The following PCDHGA7 variants were observed in gnomAD, a reference collection of about 807,000 sequenced individuals.
PCDHGA7 encodes protocadherin gamma-A7.
Under a neutral mutation model 58.3 loss-of-function variants are expected in PCDHGA7, and 44 were observed. That is an observed-to-expected ratio of 0.75 (90% CI 0.59 to 0.97). The LOEUF (loss-of-function observed/expected upper bound fraction) is 0.97. Ranked by LOEUF, PCDHGA7 falls within the 50% of genes least tolerant of loss-of-function variation. The pLI is 0.00. For missense variants in PCDHGA7, 1,266 were observed against 1,188.7 expected (o/e 1.06, Z -0.96); for synonymous variants, 516 against 504.2 (o/e 1.02, Z -0.31).
At chr5:141,439,780 T>G (rs1023743000) in intron 1 of PCDHGA7, 1 of 152,228 alleles carries the variant, frequency 6.6e-6, no homozygotes, top group African/African-American at 2.4e-5. Context: ...TGGCTGGAGA[T>G]TCTATAATCC....
At position 141,485,683 on chromosome 5, in the gene PCDHGA7, T is replaced by C. The variant is rs2099617681; in HGVS notation, c.2425-9124T>C. ...TGGGGAGCAATTCGATTAGCAGCTA[T>C]AGGCTGAGCTCCAATGAACACTTTG... On this transcript the variant is annotated intron_variant, in intron 1 of 3. Coordinates refer to ENST00000518325, the MANE Select transcript of PCDHGA7 (RefSeq NM_018920.4). This position sits in a 1 kb window ranked among gnomAD's most constrained non-coding sequence, Gnocchi z 5.7. 3.7e-6 allele frequency: 6 copies of C among 1,614,042 alleles called. No individual in the cohort carries two copies. The South Asian group carries it at 4.4e-5, about 12-fold the overall frequency.
chr5:141,493,983 A>G lies in PCDHGA7; in HGVS notation c.2425-824A>G, dbSNP rs2099751203. Among the ~76,000 whole-genome samples the G allele has an allele frequency of 6.6e-6, 1 of 152,194 alleles. No homozygotes were observed. The highest frequency in any genetic ancestry group is 6.5e-5 in the Admixed American group (1 of 15,278). ...TGGCTGGCCAGAGCCCCACACCTTC[A>G]GCTAGGTGGGAGATGGCTACACATC... On this transcript the variant is annotated intron_variant, in intron 1 of 3. Coordinates refer to ENST00000518325, the MANE Select transcript of PCDHGA7 (RefSeq NM_018920.4). The surrounding 1 kb of genome is among the most constrained non-coding windows in gnomAD (Gnocchi z 4.3).
chr5:141,501,300 C>T (rs867143352), intron 2 of PCDHGA7, among the ~76,000 whole-genome samples: 2,626 of 150,646 alleles, frequency 0.017, 74 homozygotes, highest in African/African-American at 0.06. Context: ...TACACACACA[C>T]ACACACACAC....
intron 1 of PCDHGA7, chr5:141,422,014 C>T (rs1472942387): frequency 1.9e-6 from 3 of 1,610,040 alleles, no homozygotes; most frequent in African/African-American, 1.3e-5. Flanking sequence ...AACTCGGGTG[C>T]TGATGGTTAA....
intron 1 of PCDHGA7, among the ~76,000 whole-genome samples, chr5:141,429,369 G>A (rs1368624471): frequency 6.7e-6 from 1 of 148,994 alleles, no homozygotes; most frequent in Non-Finnish European, 1.5e-5. Context: ...AGAAAATGGA[G>A]AAAATGTGTT....
At chr5:141,398,878 C>T in intron 1 of PCDHGA7, 2 of 1,613,968 alleles carry the variant, frequency 1.2e-6, no homozygotes, top group Non-Finnish European at 1.7e-6. Context: ...CAGAGTCAGC[C>T]TTCGGGAAAA....
Position 141,476,217 on chromosome 5 carries a change from A to G in PCDHGA7, c.2425-18590A>G. On this transcript the variant is annotated intron_variant, in intron 1 of 3. Coordinates refer to ENST00000518325, the MANE Select transcript of PCDHGA7 (RefSeq NM_018920.4). This position sits in a 1 kb window ranked among gnomAD's most constrained non-coding sequence, Gnocchi z 7.6. ...TTGAACAAGGCTTCCACGGTCATTC[A>G]CTATGAGATCCCGGAGGAAAGAGAG... The G allele has an allele frequency of 6.2e-7, 1 of 1,613,836 alleles. No homozygotes were observed. The highest frequency in any genetic ancestry group is 2.2e-5 in the East Asian group (1 of 44,818).
chr5:141,396,943 G>A (rs1388753275), intron 1 of PCDHGA7, among the ~76,000 whole-genome samples: 6 of 152,178 alleles, frequency 3.9e-5, no homozygotes, highest in African/African-American at 1.2e-4. Flanking sequence ...TGCCCTGGTA[G>A]GAAAGAAAAT....
chr5:141,394,048 G>A (rs1285768639), intron 1 of PCDHGA7: 5 of 1,613,504 alleles, frequency 3.1e-6, no homozygotes, highest in South Asian at 1.1e-5. Context: ...TATTTGGACC[G>A]AGAAAATGTC....
rs2099710738 is a variant in PCDHGA7, at chr5:141,491,331, T to C, written c.2425-3476T>C. 6.2e-7 allele frequency: 1 copy of C among 1,614,170 alleles called. No homozygotes were observed. The highest frequency in any genetic ancestry group is 8.5e-7 in the Non-Finnish European group (1 of 1,180,018). On this transcript the variant is annotated intron_variant, in intron 1 of 3. Coordinates refer to ENST00000518325, the MANE Select transcript of PCDHGA7 (RefSeq NM_018920.4). The surrounding 1 kb of genome is among the most constrained non-coding windows in gnomAD (Gnocchi z 6.9). ...ACCTTACCCTTTACCTCATTGTGGC[T>C]CTAGCGACCGTCAGTCTCTTATCCC...
At chr5:141,403,509 A>G in intron 1 of PCDHGA7, 1 of 1,614,002 alleles carries the variant, frequency 6.2e-7, no homozygotes, top group Non-Finnish European at 8.5e-7. Context: ...CAGACTGGAG[A>G]CAATGGAGCC....
intron 1 of PCDHGA7, chr5:141,423,389 A>G (rs568843632): frequency 2.5e-6 from 4 of 1,614,160 alleles, no homozygotes; most frequent in Admixed American, 1.7e-5. Flanking sequence ...TGGCGCTGGC[A>G]TAAGTCACGC....
intron 1 of PCDHGA7, chr5:141,421,032 C>A: frequency 1.9e-6 from 1 of 533,288 alleles, no homozygotes; most frequent in Non-Finnish European, 3.3e-6. Flanking sequence ...GCCATTGAGT[C>A]CCTCCCTCCC....
At chr5:141,426,427 G>A in intron 1 of PCDHGA7, 2 of 293,710 alleles carry the variant, frequency 6.8e-6, no homozygotes, top group Non-Finnish European at 1.3e-5. Context: ...CTCCGTGGTG[G>A]GGAACCTTGC....
At chr5:141,448,662 C>T (rs1242351797) in intron 1 of PCDHGA7, among the ~76,000 whole-genome samples, 1 of 151,980 alleles carries the variant, frequency 6.6e-6, no homozygotes, top group Non-Finnish European at 1.5e-5. Flanking sequence ...CCATATTGGC[C>T]GGGCGCGGTG....
intron 1 of PCDHGA7, among the ~76,000 whole-genome samples, chr5:141,435,219 C>A (rs1226171884): frequency 6.6e-6 from 1 of 152,118 alleles, no homozygotes; most frequent in Non-Finnish European, 1.5e-5. Flanking sequence ...AATTTACTTT[C>A]TTTCAAAGTT....
At chr5:141,403,746 C>T (rs773668506) in intron 1 of PCDHGA7, 1 of 1,613,904 alleles carries the variant, frequency 6.2e-7, no homozygotes, top group South Asian at 1.1e-5. Context: ...CTTACTGCAA[C>T]AGCCAGCGAC....
At position 141,384,851 on chromosome 5, in the gene PCDHGA7, A is replaced by G. The variant is rs1460277994; in HGVS notation, c.1952A>G (p.Gln651Arg). 3 of 1,613,516 alleles carry G rather than the reference A, an allele frequency of 1.9e-6. No individual in the cohort carries two copies. Among genetic ancestry groups the G allele is most frequent in the East Asian group, 2.2e-5 (1 of 44,894 alleles). ...GTGGTGGCCGTCCAGGACCACGGTC[A>G]GCCTCCTCTGTCAGCCACCGTCACA... Reference protein sequence around the residue: ...SLVVAVQDHGQPPLSATVTLT... With the variant: ...SLVVAVQDHGRPPLSATVTLT... Residue 651 changes from glutamine to arginine, a missense_variant, in exon 1 of 4, where the codon CAG becomes CGG. Coordinates refer to ENST00000518325, the MANE Select transcript of PCDHGA7 (RefSeq NM_018920.4).
chr5:141,421,561 G>T (rs2096583505), intron 1 of PCDHGA7: 1 of 1,613,992 alleles, frequency 6.2e-7, no homozygotes, highest in Non-Finnish European at 8.5e-7. Context: ...ACTTCTCGTG[G>T]AAGACACCTT....
Sources: gnomAD v4.1 joint callset for allele counts (sites outside exome capture counted in the v4.1 genomes callset) on GRCh38, gnomAD v4.1.1 for gene constraint, Gnocchi (gnomAD v3.1) non-coding constraint, MANE v1.5 for transcripts, NCBI Gene and HGNC (gene_info 2026-07-23, HGNC 2026-07-21) for gene names.